The following CCDC102B variants were observed in gnomAD, a reference collection of about 807,000 sequenced individuals.
CCDC102B encodes the protein coiled-coil domain containing 102B, also known as coiled-coil domain-containing protein 102B.
Under a neutral mutation model 57.4 loss-of-function variants are expected in CCDC102B, and 75 were observed. The ratio of observed to expected loss-of-function variants is 1.31; its 90% confidence interval spans 1.08 to 1.58. CCDC102B has a LOEUF of 1.58. Among genes scored for constraint, CCDC102B ranks in the 40% most tolerant of loss-of-function variants. The pLI is 0.00. For synonymous variants in CCDC102B, 206 were observed against 201.9 expected (o/e 1.02, Z -0.17); for missense variants, 636 against 582.6 (o/e 1.09, Z -0.94).
chr18:68,857,969 T>C (rs1472937802), intron 4 of CCDC102B, among the ~76,000 whole-genome samples: 1 of 152,212 alleles, frequency 6.6e-6, no homozygotes. Flanking sequence ...ATGAATGCCT[T>C]CATGCTAATC....
At chr18:68,804,328 G>A (rs745375615) in intron 1 of CCDC102B, among the ~76,000 whole-genome samples, 1 of 152,218 alleles carries the variant, frequency 6.6e-6, no homozygotes, top group Non-Finnish European at 1.5e-5. Flanking sequence ...TGAAATCTGA[G>A]ATGCTGATTA....
chr18:69,053,469 G>C (rs1244948633), intron 7 of CCDC102B, among the ~76,000 whole-genome samples: 1 of 151,664 alleles, frequency 6.6e-6, no homozygotes, highest in Non-Finnish European at 1.5e-5. Flanking sequence ...TGGGAGAAGA[G>C]TGGCTACATA....
intron 5 of CCDC102B, among the ~76,000 whole-genome samples, chr18:68,895,592 T>G (rs1017321843): frequency 1.3e-5 from 2 of 151,732 alleles, no homozygotes; most frequent in Non-Finnish European, 3.0e-5. Context: ...TTTTTATCCT[T>G]TTGAGATATT....
At chr18:69,043,422 G>T (rs939260974) in intron 7 of CCDC102B, among the ~76,000 whole-genome samples, 3 of 151,928 alleles carry the variant, frequency 2.0e-5, no homozygotes, top group African/African-American at 7.3e-5. Flanking sequence ...GCTTGGGGAC[G>T]GTCAGGTCTT....
chr18:68,987,386 G>A (rs116509550), intron 6 of CCDC102B, among the ~76,000 whole-genome samples: 1 of 151,916 alleles, frequency 6.6e-6, no homozygotes, highest in African/African-American at 2.4e-5. Context: ...AATGAAATTG[G>A]ACCCCTATAC....
chr18:68,823,202 G>A (rs1313145908), intron 1 of CCDC102B, among the ~76,000 whole-genome samples: 4 of 152,218 alleles, frequency 2.6e-5, no homozygotes, highest in Admixed American at 2.6e-4. Flanking sequence ...ACATATAGGT[G>A]TTACCAAATT....
intron 6 of CCDC102B, among the ~76,000 whole-genome samples, chr18:68,901,308 C>T (rs991913569): frequency 6.6e-6 from 1 of 151,998 alleles, no homozygotes; most frequent in African/African-American, 2.4e-5. Context: ...TTAAGTAAGC[C>T]ACATAAGTCT....
chr18:69,011,464 G>A (rs898949636), intron 7 of CCDC102B, among the ~76,000 whole-genome samples: 1 of 151,676 alleles, frequency 6.6e-6, no homozygotes, highest in African/African-American at 2.4e-5. Flanking sequence ...CAAAAAGTGT[G>A]ATATATCTTA....
intron 6 of CCDC102B, among the ~76,000 whole-genome samples, chr18:68,994,689 C>T (rs894938380): frequency 6.6e-6 from 1 of 152,222 alleles, no homozygotes; most frequent in Non-Finnish European, 1.5e-5. Context: ...TGCTTTGCTT[C>T]CCCTTCACCT....
rs201860131 is a variant in CCDC102B, at chr18:68,827,619, T to C, written c.-15-9130T>C. 2.4e-3 allele frequency among the ~76,000 whole-genome samples: 371 copies of C among 152,024 alleles called. 2 individuals carry two copies. In the East Asian group the frequency reaches 0.045, roughly 19 times the overall value. On this transcript the variant is annotated intron_variant, in intron 1 of 7. Transcript: ENST00000360242. ...GAGAGGACACAAAGAAAACAAATTA[T>C]AAAATGGCAGATATAAGTTCTAACA...
intron 6 of CCDC102B, among the ~76,000 whole-genome samples, chr18:68,964,936 T>C (rs567275167): frequency 2.6e-5 from 4 of 152,162 alleles, no homozygotes; most frequent in South Asian, 4.1e-4. Flanking sequence ...TGGTTTCTTA[T>C]AAGAAATCTC....
rs34611934 is a variant in CCDC102B, at chr18:68,945,122, C to CCACACACACACACACACA, written c.1263+47704_1263+47721dup. On this transcript the variant is annotated intron_variant, in intron 6 of 7. Transcript: ENST00000360242. ...TCTCTCTCTCTCTGTCTCTCTCTCT[C>CCACACACACACACACACA]CACACACACACACACACACACACAC... 9.0e-3 allele frequency among the ~76,000 whole-genome samples: 1,290 copies of CCACACACACACACACACA among 144,008 alleles called. 9 individuals are homozygous for CCACACACACACACACACA. The highest frequency in any genetic ancestry group is 0.028 in the Middle Eastern group (8 of 288). 94.5% of individuals were successfully genotyped at this position (144,008 alleles called of 152,430 possible).
chr18:68,892,135 T>C (rs1417565221), intron 5 of CCDC102B, among the ~76,000 whole-genome samples: 1 of 152,196 alleles, frequency 6.6e-6, no homozygotes, highest in Non-Finnish European at 1.5e-5. Flanking sequence ...GATAATTCCC[T>C]TAATATCAAC....
At chr18:68,782,556 G>A (rs1034507939) in intron 2 of CCDC102B, among the ~76,000 whole-genome samples, 2 of 152,092 alleles carry the variant, frequency 1.3e-5, no homozygotes, top group Admixed American at 6.5e-5. Flanking sequence ...CCTCTGCTTT[G>A]ACATCAGAGT....
chr18:68,769,066 C>T (rs531382227), intron 2 of CCDC102B, among the ~76,000 whole-genome samples: 91 of 152,008 alleles, frequency 6.0e-4, no homozygotes, highest in Non-Finnish European at 1.1e-3. Flanking sequence ...CCAGCCTGAC[C>T]AACATGGAGA....
At chr18:68,803,878 A>T (rs1005290200) in intron 1 of CCDC102B, among the ~76,000 whole-genome samples, 1 of 152,294 alleles carries the variant, frequency 6.6e-6, no homozygotes, top group East Asian at 1.9e-4. Context: ...GATCATGACA[A>T]CATCATAAAC....
intron 6 of CCDC102B, among the ~76,000 whole-genome samples, chr18:68,995,296 C>A (rs191642186): frequency 6.6e-6 from 1 of 152,278 alleles, no homozygotes; most frequent in East Asian, 1.9e-4. Context: ...AGACCTGCCA[C>A]AGAAATTGCA....
At chr18:68,959,171 T>C (rs1228858466) in intron 6 of CCDC102B, among the ~76,000 whole-genome samples, 1 of 152,168 alleles carries the variant, frequency 6.6e-6, no homozygotes, top group African/African-American at 2.4e-5. Context: ...TCAAAGGGAC[T>C]TGGGTGTTCC....
intron 7 of CCDC102B, among the ~76,000 whole-genome samples, chr18:69,019,897 T>C (rs1381428628): frequency 6.6e-6 from 1 of 152,114 alleles, no homozygotes; most frequent in Non-Finnish European, 1.5e-5. Flanking sequence ...CTGCACCTAT[T>C]TTATTTAGAC....
Sources: gnomAD v4.1 joint callset for allele counts (sites outside exome capture counted in the v4.1 genomes callset) on GRCh38, gnomAD v4.1.1 for gene constraint, MANE v1.5 for transcripts, NCBI Gene and HGNC (gene_info 2026-07-23, HGNC 2026-07-21) for gene names.